Variants in ARHGEF35 observed in about 807,000 individuals in gnomAD.
ARHGEF35 encodes Rho guanine nucleotide exchange factor (GEF) 35.
For missense variants in ARHGEF35, 114 were observed against 449.7 expected (o/e 0.25, Z 6.75); for synonymous variants, 47 against 170.4 (o/e 0.28, Z 5.64).
Position 144,187,239 on chromosome 7 carries a change from C to A in ARHGEF35, c.1145G>T (p.Trp382Leu). 1 of 1,426,842 alleles carries A rather than the reference C, an allele frequency of 7.0e-7. No homozygotes were observed. Among genetic ancestry groups the A allele is most frequent in the African/African-American group, 1.5e-5 (1 of 65,696 alleles). 88.4% of individuals were successfully genotyped at this position (1,426,842 alleles called of 1,614,324 possible). The stretch of plus-strand genomic sequence containing the variant: ...CACTGCCCCCAGCCTGCCCCCATCC[C>A]AACTCTCTGGCTCTTTCGCCTCCTG... Reference protein sequence around the residue: ...SGQEAKEPESWDGGRLGAVGR... With the variant: ...SGQEAKEPESLDGGRLGAVGR... Residue 382 changes from tryptophan (W) to leucine (L), a missense_variant, in exon 2 of 2, where the codon TGG (tryptophan) becomes TTG (leucine). Coordinates refer to ENST00000378115, the MANE Select transcript of ARHGEF35 (RefSeq NM_001003702.3).
rs753309686 is a variant in ARHGEF35, at chr7:144,186,946, G to A, written c.1438C>T (p.Leu480Phe). The change falls in exon 2 of 2, where the codon CTT (leucine) becomes TTT (phenylalanine). Residue 480 changes from leucine to phenylalanine, a missense_variant. Coordinates refer to ENST00000378115, the MANE Select transcript of ARHGEF35 (RefSeq NM_001003702.3). ...GTGACATATCAAAGTACTGATAGAA[G>A]TTTTTCCTTGTCAGGTGACTCCTCA... ...LTEESPDKEK[L>F]LSVL 5.3e-6 allele frequency: 8 copies of A among 1,519,418 alleles called. 1 individual carries two copies. The highest frequency in any genetic ancestry group is 4.5e-5 in the South Asian group (4 of 88,206). The allele number at this position is 1,519,418 out of a possible 1,614,324, so 94.1% of individuals were successfully genotyped here.
intron 1 of ARHGEF35, among the ~76,000 whole-genome samples, chr7:144,192,230 T>TGTACACACAC (rs763325598): frequency 1.6e-4 from 10 of 62,804 alleles, no homozygotes; most frequent in African/African-American, 3.2e-4. Context: ...CCACTGTGTG[T>TGTACACACAC]ACACACACAC....
In ARHGEF35 at chr7:144,186,931, A is replaced by G; in HGVS notation, c.1453T>C (p.Ter485ArgextTer14). ...PDKEKLLSVL[*>R] ...GATAAACATGAAACTGTGACATATC[A>G]AAGTACTGATAGAAGTTTTTCCTTG... Residue 485 changes from the stop codon to arginine (R), a stop_lost, in exon 2 of 2, where the codon TGA becomes CGA. Coordinates refer to ENST00000378115, the MANE Select transcript of ARHGEF35 (RefSeq NM_001003702.3). The G allele has an allele frequency of 6.7e-7, 1 of 1,497,972 alleles. No individual in the cohort carries two copies. Among genetic ancestry groups the G allele is most frequent in the South Asian group, 1.2e-5 (1 of 85,268 alleles). 92.8% of individuals were successfully genotyped at this position (1,497,972 alleles called of 1,614,324 possible).
At chr7:144,189,881 A>G (rs1317881827) in intron 1 of ARHGEF35, among the ~76,000 whole-genome samples, 1 of 124,960 alleles carries the variant, frequency 8.0e-6, no homozygotes, top group African/African-American at 3.3e-5. Flanking sequence ...ATCTTGGGTC[A>G]TTGCAACCTC....
intron 1 of ARHGEF35, among the ~76,000 whole-genome samples, chr7:144,190,849 G>C (rs1296258957): frequency 1.4e-5 from 2 of 145,566 alleles, no homozygotes; most frequent in African/African-American, 2.6e-5. Context: ...TTGAGCCCAG[G>C]AGGCAGAGGC....
intron 1 of ARHGEF35, among the ~76,000 whole-genome samples, chr7:144,192,230 T>TACACACACACACACACAC (rs2699831): frequency 1.6e-5 from 1 of 62,780 alleles, no homozygotes; most frequent in African/African-American, 7.9e-5. Flanking sequence ...CCACTGTGTG[T>TACACACACACACACACAC]ACACACACAC....
rs200405244 is a variant in ARHGEF35 at position 144,186,929 on chromosome 7, T to G, written c.1455A>C (p.Ter485CysextTer14). The change falls in exon 2 of 2, where the codon TGA (stop) becomes TGC (cysteine). Residue 485 changes from the stop codon to cysteine, a stop_lost. Transcript: ENST00000378115. ...PDKEKLLSVL[*>C] ...TGGATAAACATGAAACTGTGACATA[T>G]CAAAGTACTGATAGAAGTTTTTCCT... The G allele has an allele frequency of 1.3e-4, 187 of 1,493,762 alleles. 31 individuals carry two copies. Among genetic ancestry groups the G allele is most frequent in the Non-Finnish European group, 1.6e-4 (179 of 1,094,402 alleles). 92.5% of individuals were successfully genotyped at this position (1,493,762 alleles called of 1,614,324 possible). A position where few individuals can be genotyped will look rare whatever the true frequency, so the allele number is the denominator to read the frequency against.
intron 1 of ARHGEF35, among the ~76,000 whole-genome samples, chr7:144,191,469 T>C (rs1412804443): frequency 9.3e-6 from 1 of 107,554 alleles, no homozygotes; most frequent in Non-Finnish European, 1.9e-5. Flanking sequence ...ATCCTTTGCT[T>C]CTCCTCAAAC....
Position 144,186,890 on chromosome 7 carries a change from A to T in ARHGEF35, c.*39T>A. 1 of 1,356,198 alleles carries T rather than the reference A, an allele frequency of 7.4e-7. No homozygotes were observed. 84.0% of individuals were successfully genotyped at this position (1,356,198 alleles called of 1,614,324 possible). A position where few individuals can be genotyped will look rare whatever the true frequency, so the allele number is the denominator to read the frequency against. ...CAAAGAAGTCTCAAGGAAAAATTTA[A>T]AAATACATTGAACTGGATAAACATG... On this transcript the variant is annotated 3_prime_UTR_variant, in exon 2 of 2. Transcript: ENST00000378115.
In ARHGEF35 at chr7:144,187,243, T is replaced by A. The variant is rs2051966998; in HGVS notation, c.1141A>T (p.Ser381Cys). Residue 381 changes from serine (S) to cysteine (C), a missense_variant, in exon 2 of 2, where the codon AGT (serine) becomes TGT (cysteine). Coordinates refer to ENST00000378115, the MANE Select transcript of ARHGEF35 (RefSeq NM_001003702.3). The stretch of plus-strand genomic sequence containing the variant: ...GCCCCCAGCCTGCCCCCATCCCAAC[T>A]CTCTGGCTCTTTCGCCTCCTGCCCG... ...VSGQEAKEPE[S>C]WDGGRLGAVG... 1 of 1,414,940 alleles carries A rather than the reference T, an allele frequency of 7.1e-7. No individual in the cohort carries two copies. The highest frequency in any genetic ancestry group is 9.7e-7 in the Non-Finnish European group (1 of 1,034,440). 87.6% of individuals were successfully genotyped at this position (1,414,940 alleles called of 1,614,324 possible).
At chr7:144,189,842 T>C (rs1160899110) in intron 1 of ARHGEF35, among the ~76,000 whole-genome samples, 1 of 129,784 alleles carries the variant, frequency 7.7e-6, no homozygotes, top group Non-Finnish European at 1.6e-5. Flanking sequence ...AGTCTTGCTC[T>C]GTCACCCAGG....
chr7:144,186,952 C>T lies in ARHGEF35; in HGVS notation c.1432G>A (p.Glu478Lys). ...SFLTEESPDK[E>K]KLLSVL ...TATCAAAGTACTGATAGAAGTTTTTCCTTGTCAGGTGACTCCTCAGTCAAA... is the reference window on the plus strand; with the variant it reads ...TATCAAAGTACTGATAGAAGTTTTTTCTTGTCAGGTGACTCCTCAGTCAAA... Residue 478 changes from glutamate (E) to lysine (K), a missense_variant, in exon 2 of 2, where the codon GAA becomes AAA. Coordinates refer to ENST00000378115, the MANE Select transcript of ARHGEF35 (RefSeq NM_001003702.3). 6.6e-7 allele frequency: 1 copy of T among 1,521,948 alleles called. No individual in the cohort carries two copies. The highest frequency in any genetic ancestry group is 1.1e-5 in the South Asian group (1 of 88,424). The allele number at this position is 1,521,948 out of a possible 1,614,324, so 94.3% of individuals were successfully genotyped here. A position where few individuals can be genotyped will look rare whatever the true frequency, so the allele number is the denominator to read the frequency against.
chr7:144,189,971 A>C (rs1214728537), intron 1 of ARHGEF35, among the ~76,000 whole-genome samples: 1 of 132,894 alleles, frequency 7.5e-6, no homozygotes, highest in East Asian at 2.0e-4. Flanking sequence ...ACACCCAGCT[A>C]ATTTTTGTAC....
chr7:144,190,167 A>T (rs878909182), intron 1 of ARHGEF35, among the ~76,000 whole-genome samples: 459 of 104,120 alleles, frequency 4.4e-3, no homozygotes, highest in Non-Finnish European at 6.7e-3. Flanking sequence ...ACTATAATTC[A>T]CTTTACTTTT....
chr7:144,186,551 G>T lies in ARHGEF35; in HGVS notation c.*378C>A, dbSNP rs2051953842. The stretch of plus-strand genomic sequence containing the variant: ...ATGTTTTTAAAAAGAGGAAAAAAAA[G>T]AAAATCAACAAGAATATAAAACAAC... On this transcript the variant is annotated 3_prime_UTR_variant, in exon 2 of 2. Coordinates refer to ENST00000378115, the MANE Select transcript of ARHGEF35 (RefSeq NM_001003702.3). 1.6e-5 allele frequency: 2 copies of T among 124,740 alleles called. No homozygotes were observed. Among genetic ancestry groups the T allele is most frequent in the Non-Finnish European group, 3.2e-5 (2 of 62,424 alleles). 7.7% of individuals were successfully genotyped at this position (124,740 alleles called of 1,614,324 possible).
At position 144,186,985 on chromosome 7, in the gene ARHGEF35, C is replaced by T; in HGVS notation, c.1399G>A (p.Gly467Ser). ...RCSHQPISLL[G>S]SFLTEESPDK... is the part of the protein sequence containing the mutation. ...GGTGACTCCTCAGTCAAAAAGGAGC[C>T]CAGTAGAGAAATGGGCTGGTGAGAG... Residue 467 changes from glycine (G) to serine (S), a missense_variant, in exon 2 of 2, where the codon GGC becomes AGC. Gly to Ser is a moderately conservative substitution (Grantham distance 56, BLOSUM62 0). Transcript: ENST00000378115. 1 of 1,543,812 alleles carries T rather than the reference C, an allele frequency of 6.5e-7. No individual in the cohort carries two copies. Among genetic ancestry groups the T allele is most frequent in the Non-Finnish European group, 8.9e-7 (1 of 1,122,694 alleles).
In ARHGEF35 at chr7:144,187,733, TTCCTGCAGCTC is replaced by T; in HGVS notation, c.640_650del (p.Glu214LysfsTer49). ...CCTGGGGATGCAAGAGCCCTTGACT[TTCCTGCAGCTC>T]CTCAGATGGCAGCTCTTCCCCCTGC... On this transcript the variant is annotated frameshift_variant, in exon 2 of 2. Coordinates refer to ENST00000378115, the MANE Select transcript of ARHGEF35 (RefSeq NM_001003702.3). LOFTEE classifies it low-confidence loss of function (END_TRUNC). 8.4e-7 allele frequency: 1 copy of T among 1,196,826 alleles called. No individual in the cohort carries two copies. Among genetic ancestry groups the T allele is most frequent in the Admixed American group, 1.9e-5 (1 of 52,630 alleles). The allele number at this position is 1,196,826 out of a possible 1,614,324, so 74.1% of individuals were successfully genotyped here.
In ARHGEF35 at chr7:144,186,638, G is replaced by T. The variant is rs2051954940; in HGVS notation, c.*291C>A. On this transcript the variant is annotated 3_prime_UTR_variant, in exon 2 of 2. Coordinates refer to ENST00000378115, the MANE Select transcript of ARHGEF35 (RefSeq NM_001003702.3). ...TTACAGAATATTCCACACAGTAACA[G>T]CAGAATACACATATTTTTTTTGAGT... 8.0e-5 allele frequency: 21 copies of T among 261,546 alleles called. 1 individual carries two copies. In the South Asian group the frequency reaches 1.5e-3, roughly 19 times the overall value. The allele number at this position is 261,546 out of a possible 1,614,324, so 16.2% of individuals were successfully genotyped here.
At position 144,187,269 on chromosome 7, in the gene ARHGEF35, C is replaced by A. The variant is rs199624188; in HGVS notation, c.1115G>T (p.Ser372Ile). ...HGIKEKGVPV[S>I]GQEAKEPESW... ...CTCTGGCTCTTTCGCCTCCTGCCCG[C>A]TGACTGGGACCCCTTTCTCCTTTAT... Residue 372 changes from serine (S) to isoleucine (I), a missense_variant, in exon 2 of 2, where the codon AGC (serine) becomes ATC (isoleucine). Ser to Ile is a moderately radical substitution (Grantham distance 142, BLOSUM62 -2). Coordinates refer to ENST00000378115, the MANE Select transcript of ARHGEF35 (RefSeq NM_001003702.3). The A allele has an allele frequency of 2.4e-4, 318 of 1,332,064 alleles. 8 individuals carry two copies. In the South Asian group the frequency reaches 2.7e-3, roughly 11 times the overall value. 82.5% of individuals were successfully genotyped at this position (1,332,064 alleles called of 1,614,324 possible).
Sources: allele counts gnomAD v4.1 joint callset (sites outside exome capture counted in the v4.1 genomes callset), GRCh38; gene constraint gnomAD v4.1.1; transcripts MANE v1.5; gene names NCBI Gene and HGNC (gene_info 2026-07-23, HGNC 2026-07-21).